Variants in CCDC178 observed in about 807,000 individuals in gnomAD.
CCDC178 encodes coiled-coil domain-containing protein 178.
Under a neutral mutation model 117.4 loss-of-function variants are expected in CCDC178, and 126 were observed. The observed-to-expected ratio is 1.07, with a 90% CI of 0.93 to 1.24. The LOEUF (loss-of-function observed/expected upper bound fraction) is 1.24, where lower values mean the gene tolerates loss of function less well. Ranked by LOEUF, CCDC178 falls within the 50% of genes most tolerant of loss-of-function variation. The probability of loss-of-function intolerance (pLI) is 0.00; values close to 1 mark genes in which losing one functional copy is unlikely to be tolerated. For missense variants in CCDC178, 1,030 were observed against 986.9 expected (o/e 1.04, Z -0.59); for synonymous variants, 283 against 313.4 (o/e 0.90, Z 1.02).
chr18:32,947,499 C>G (rs139533056), intron 22 of CCDC178, among the ~76,000 whole-genome samples: 6 of 152,252 alleles, frequency 3.9e-5, no homozygotes, highest in African/African-American at 1.4e-4. Context: ...ATTTGTATAT[C>G]TTCTTTGGTG....
chr18:32,959,487 A>G (rs2054663325), intron 22 of CCDC178, among the ~76,000 whole-genome samples: 1 of 152,012 alleles, frequency 6.6e-6, no homozygotes, highest in Admixed American at 6.6e-5. Flanking sequence ...CCCTTTCTCC[A>G]TTTTCATAAT....
intron 9 of CCDC178, among the ~76,000 whole-genome samples, chr18:33,335,552 C>T (rs989335428): frequency 6.6e-6 from 1 of 151,874 alleles, no homozygotes; most frequent in African/African-American, 2.4e-5. Context: ...TTTTTCTCTC[C>T]TTGTCTTGCT....
chr18:33,337,078 C>T (rs1218413036), intron 9 of CCDC178, among the ~76,000 whole-genome samples: 5 of 150,358 alleles, frequency 3.3e-5, no homozygotes, highest in Admixed American at 6.6e-5. Flanking sequence ...TTTCTTTCAG[C>T]AGTGTTATGT....
intron 12 of CCDC178, among the ~76,000 whole-genome samples, chr18:33,281,665 A>C (rs910582217): frequency 2.6e-5 from 4 of 152,192 alleles, no homozygotes; most frequent in African/African-American, 7.2e-5. Context: ...GAAAAGGGTA[A>C]AGTTAAGGTT....
intron 2 of CCDC178, among the ~76,000 whole-genome samples, chr18:33,416,892 A>C (rs2063948739): frequency 2.0e-5 from 3 of 151,328 alleles, no homozygotes; most frequent in African/African-American, 7.3e-5. Context: ...TGCAAATTAA[A>C]ACCATAATGA....
At chr18:33,321,744 A>G (rs1468805171) in intron 11 of CCDC178, among the ~76,000 whole-genome samples, 1 of 151,954 alleles carries the variant, frequency 6.6e-6, no homozygotes, top group Admixed American at 6.6e-5. Flanking sequence ...AAAAAAGGCA[A>G]TAAAAAAGAA....
chr18:33,185,175 A>G (rs1331358955), intron 20 of CCDC178, among the ~76,000 whole-genome samples: 2 of 152,042 alleles, frequency 1.3e-5, no homozygotes, highest in East Asian at 3.9e-4. Context: ...AGGTCGGGAA[A>G]GGGGTGTGCT....
intron 6 of CCDC178, among the ~76,000 whole-genome samples, chr18:33,359,096 GT>G (rs1281617260): frequency 1.3e-5 from 2 of 151,758 alleles, no homozygotes; most frequent in African/African-American, 4.8e-5. Context: ...GCCATTTGAA[GT>G]TGAAGTATCA....
intron 18 of CCDC178, among the ~76,000 whole-genome samples, chr18:33,216,491 G>T (rs2074061028): frequency 6.6e-6 from 1 of 151,958 alleles, no homozygotes; most frequent in Non-Finnish European, 1.5e-5. Context: ...TTATTGAATT[G>T]TTCCCCACAT....
chr18:33,036,842 G>A lies in CCDC178; in HGVS notation c.2388+55919C>T, dbSNP rs559418278. On this transcript the variant is annotated intron_variant, in intron 21 of 22. Transcript: ENST00000383096. The stretch of plus-strand genomic sequence containing the variant: ...GACACGGGGAGACAGAATAGGAAGC[G>A]GTTGGTGTAATCCAGATGAAAAATG... 5.9e-5 allele frequency among the ~76,000 whole-genome samples: 9 copies of A among 152,030 alleles called. No homozygotes were observed. The South Asian group carries it at 6.2e-4, about 11-fold the overall frequency.
intron 2 of CCDC178, among the ~76,000 whole-genome samples, chr18:33,413,646 T>C (rs182996183): frequency 5.9e-5 from 9 of 152,232 alleles, no homozygotes; most frequent in East Asian, 1.9e-4. Context: ...CCAGATCTAA[T>C]AGAAGTCAAA....
intron 21 of CCDC178, among the ~76,000 whole-genome samples, chr18:32,996,724 C>T (rs533090782): frequency 1.3e-5 from 2 of 151,788 alleles, no homozygotes; most frequent in South Asian, 2.1e-4. Context: ...TTTCTAAGCA[C>T]AAAATAACAG....
intron 22 of CCDC178, among the ~76,000 whole-genome samples, chr18:32,958,590 G>A (rs765865483): frequency 6.6e-6 from 1 of 152,212 alleles, no homozygotes; most frequent in Admixed American, 6.5e-5. Flanking sequence ...ACGTGTAGCA[G>A]AGAATGCAAT....
chr18:33,050,944 G>A (rs952676841), intron 21 of CCDC178, among the ~76,000 whole-genome samples: 2 of 151,926 alleles, frequency 1.3e-5, no homozygotes, highest in African/African-American at 2.4e-5. Flanking sequence ...ATAGAGTCTC[G>A]GTCTGTCACT....
At chr18:33,223,019 TC>T in intron 18 of CCDC178, 86 bp downstream of exon 18, 1 of 953,984 alleles carries the variant, frequency 1.0e-6, no homozygotes, top group East Asian at 2.6e-5. Flanking sequence ...TGAGACACAT[TC>T]ATTTAAAATT....
intron 15 of CCDC178, among the ~76,000 whole-genome samples, chr18:33,232,691 T>C (rs1480618798): frequency 6.6e-6 from 1 of 152,172 alleles, no homozygotes; most frequent in Non-Finnish European, 1.5e-5. Context: ...TGTACGAAAG[T>C]ATATGTGTTT....
intron 21 of CCDC178, among the ~76,000 whole-genome samples, chr18:32,980,570 C>CAAAAAAA (rs57402084): frequency 1.0e-4 from 8 of 76,318 alleles, no homozygotes; most frequent in East Asian, 4.4e-4. Context: ...GACTCCGTCT[C>CAAAAAAA]AAAAAAAAAA....
chr18:33,292,440 TAGAG>T (rs969703551), intron 12 of CCDC178, among the ~76,000 whole-genome samples: 4 of 151,966 alleles, frequency 2.6e-5, no homozygotes, highest in East Asian at 1.9e-4. Flanking sequence ...GGTAGGGACA[TAGAG>T]AGAGGTTGGA....
At position 33,115,672 on chromosome 18, in the gene CCDC178, C is replaced by T. The variant is rs147948118; in HGVS notation, c.2239-22762G>A. On this transcript the variant is annotated intron_variant, in intron 20 of 22. Transcript: ENST00000383096. ...TTGCATACTTCACCTCCCCCGCCGC[C>T]GCCCTGCTACGTTAGCATTCCATTG... Among the ~76,000 whole-genome samples the T allele has an allele frequency of 2.3e-3, 355 of 152,050 alleles. 4 individuals are homozygous for T. The Middle Eastern group carries it at 0.037, about 16-fold the overall frequency.
Sources: allele counts gnomAD v4.1 joint callset (sites outside exome capture counted in the v4.1 genomes callset), GRCh38; gene constraint gnomAD v4.1.1; transcripts MANE v1.5; gene names NCBI Gene and HGNC (gene_info 2026-07-23, HGNC 2026-07-21).